The following RSPO2 variants were observed in gnomAD, a reference collection of about 807,000 sequenced individuals.
RSPO2 encodes R-spondin-2.
Under a neutral mutation model 30.9 loss-of-function variants are expected in RSPO2, and 14 were observed. That is an observed-to-expected ratio of 0.45 (90% CI 0.30 to 0.71). RSPO2 has a LOEUF of 0.71. Among genes scored for constraint, RSPO2 ranks in the 30% least tolerant of loss-of-function variants. The pLI is 0.08. For synonymous variants in RSPO2, 107 were observed against 96.4 expected, an observed-to-expected ratio of 1.11 and a Z score of -0.64; for missense variants, 264 against 301.9, an observed-to-expected ratio of 0.87 and a Z score of 0.93.
intron 2 of RSPO2, among the ~76,000 whole-genome samples, chr8:108,051,355 G>A (rs1409185642): frequency 6.6e-6 from 1 of 152,136 alleles, no homozygotes; most frequent in Non-Finnish European, 1.5e-5. Flanking sequence ...TTGGCATAGT[G>A]AAGGTTTGAG....
At position 108,081,578 on chromosome 8, in the gene RSPO2, A is replaced by G. The variant is rs1016713050; in HGVS notation, c.94+967T>C. Among the ~76,000 whole-genome samples the G allele has an allele frequency of 5.9e-5, 9 of 152,358 alleles. No homozygotes were observed. In the East Asian group the frequency reaches 1.7e-3, roughly 29 times the overall value. On this transcript the variant is annotated intron_variant, in intron 2 of 5. Transcript: ENST00000276659. ...GAGTGGTTTATGTTTAAATCCACCC[A>G]GAAAATTGAATCGTGTCTAGCCGCC...
intron 5 of RSPO2, among the ~76,000 whole-genome samples, chr8:107,923,127 T>C (rs1272214530): frequency 2.0e-5 from 3 of 151,876 alleles, no homozygotes; most frequent in Non-Finnish European, 4.4e-5. Flanking sequence ...AAACCATCAA[T>C]AGAGTAAAAT....
intron 5 of RSPO2, among the ~76,000 whole-genome samples, chr8:107,924,885 T>A (rs186634213): frequency 1.1e-4 from 16 of 151,804 alleles, no homozygotes. Context: ...GGTTTAAATA[T>A]GCATGCAAAA....
intron 2 of RSPO2, among the ~76,000 whole-genome samples, chr8:108,036,300 G>A (rs1483020953): frequency 6.6e-6 from 1 of 152,182 alleles, no homozygotes; most frequent in African/African-American, 2.4e-5. Context: ...TTCCGCCTGT[G>A]TGCTATAAAT....
In RSPO2 at chr8:108,082,579, G is replaced by A. The variant is rs1813242841; in HGVS notation, c.60C>T (p.His20=). The change falls in exon 2 of 6, where the codon CAC becomes CAT. Residue 20 remains histidine, a synonymous_variant. Coordinates refer to ENST00000276659, the MANE Select transcript of RSPO2 (RefSeq NM_178565.5). ...TGCGTCTCCATCGGTTGCCTTGGCA[G>A]TGGCTGTAATCCATGCAGTTCAGAA... ...LIILNCMDYS[H]CQGNRWRRSK... 1 of 1,614,170 alleles carries A rather than the reference G, an allele frequency of 6.2e-7. No homozygotes were observed. Among genetic ancestry groups the A allele is most frequent in the Non-Finnish European group, 8.5e-7 (1 of 1,179,998 alleles).
At chr8:107,931,165 C>G (rs1812543912) in intron 5 of RSPO2, among the ~76,000 whole-genome samples, 1 of 152,116 alleles carries the variant, frequency 6.6e-6, no homozygotes, top group South Asian at 2.1e-4. Flanking sequence ...ATTAATCTTG[C>G]ACTAAAAATT....
chr8:107,913,869 T>C (rs1403617256), intron 5 of RSPO2, among the ~76,000 whole-genome samples: 3 of 152,140 alleles, frequency 2.0e-5, no homozygotes, highest in African/African-American at 7.2e-5. Flanking sequence ...TACACACACA[T>C]ATAAATGCAA....
intron 2 of RSPO2, among the ~76,000 whole-genome samples, chr8:107,991,300 G>T (rs2130531133): frequency 6.7e-6 from 1 of 149,568 alleles, no homozygotes; most frequent in South Asian, 2.1e-4. Flanking sequence ...ACGCAATGGG[G>T]AAAAGATTCA....
Position 108,017,163 on chromosome 8 carries a change from C to T in RSPO2, c.95-27919G>A, listed in dbSNP as rs538596695. 1.2e-4 allele frequency among the ~76,000 whole-genome samples: 18 copies of T among 151,882 alleles called. No individual in the cohort carries two copies. In the East Asian group the frequency reaches 3.1e-3, roughly 26 times the overall value. On this transcript the variant is annotated intron_variant, in intron 2 of 5. Transcript: ENST00000276659. ...TCCCGAGTAGCTGGGACTACAGGCG[C>T]CCACCACCACACCCAGCTAATTTTT...
Position 108,082,782 on chromosome 8 carries a change from G to A in RSPO2, c.-144C>T. The A allele has an allele frequency of 4.9e-6, 3 of 613,190 alleles. No homozygotes were observed. The highest frequency in any genetic ancestry group is 8.6e-6 in the Non-Finnish European group (3 of 348,966). The allele number at this position is 613,190 out of a possible 1,614,324, so 38.0% of individuals were successfully genotyped here. A position where few individuals can be genotyped will look rare whatever the true frequency, so the allele number is the denominator to read the frequency against. On this transcript the variant is annotated 5_prime_UTR_variant, in exon 2 of 6. Coordinates refer to ENST00000276659, the MANE Select transcript of RSPO2 (RefSeq NM_178565.5). ...CCCGGGCCGCACCGGTCAGTTCAGCGCGATCAGCATCTCTCCGCCACGAAC... is the reference window on the plus strand; with the variant it reads ...CCCGGGCCGCACCGGTCAGTTCAGCACGATCAGCATCTCTCCGCCACGAAC...
intron 2 of RSPO2, among the ~76,000 whole-genome samples, chr8:108,065,468 G>A (rs751644784): frequency 2.0e-5 from 3 of 151,846 alleles, no homozygotes; most frequent in South Asian, 2.1e-4. Context: ...ATAGGCATTC[G>A]TGTGAATTAA....
intron 2 of RSPO2, among the ~76,000 whole-genome samples, chr8:108,077,052 A>G (rs1012295537): frequency 6.6e-6 from 1 of 152,204 alleles, no homozygotes; most frequent in Non-Finnish European, 1.5e-5. Context: ...ATGACTGGCC[A>G]TTAAGAAACC....
At chr8:108,081,403 T>TGGAGAAAAAGTCAACATTCATGAACCC (rs1813191077) in intron 2 of RSPO2, among the ~76,000 whole-genome samples, 1 of 152,196 alleles carries the variant, frequency 6.6e-6, no homozygotes, top group East Asian at 1.9e-4. Context: ...GTTTACATCT[T>TGGAGAAAAAGTCAACATTCATGAACCC]GGAGAAAAAG....
intron 2 of RSPO2, among the ~76,000 whole-genome samples, chr8:108,035,512 G>C (rs921070005): frequency 6.6e-6 from 1 of 151,796 alleles, no homozygotes; most frequent in Non-Finnish European, 1.5e-5. Context: ...GCTCTGTTGC[G>C]CAGGCTGGAG....
rs1586604661 is a variant in RSPO2, at chr8:107,987,909, C to T, written c.283+1147G>A. ...TCTCATAAATATGAGATTTAATTATCTCATATATATATGAGTGATTTAATG... is the reference window on the plus strand; with the variant it reads ...TCTCATAAATATGAGATTTAATTATTTCATATATATATGAGTGATTTAATG... On this transcript the variant is annotated intron_variant, in intron 3 of 5. Transcript: ENST00000276659. 7.2e-5 allele frequency among the ~76,000 whole-genome samples: 11 copies of T among 152,154 alleles called. No homozygotes were observed. In the South Asian group the frequency reaches 2.3e-3, roughly 32 times the overall value.
At chr8:107,912,313 T>C (rs1302424072) in intron 5 of RSPO2, among the ~76,000 whole-genome samples, 1 of 152,144 alleles carries the variant, frequency 6.6e-6, no homozygotes, top group Admixed American at 6.5e-5. Flanking sequence ...CGAAGTTAAC[T>C]GCATGCAATT....
intron 3 of RSPO2, among the ~76,000 whole-genome samples, chr8:107,972,143 AAC>A (rs1563544976): frequency 6.6e-6 from 1 of 151,198 alleles, no homozygotes; most frequent in Non-Finnish European, 1.5e-5. Context: ...GTTTAGAATA[AAC>A]ACAGTCTTTT....
chr8:107,924,162 T>C (rs1490370628), intron 5 of RSPO2, among the ~76,000 whole-genome samples: 1 of 151,206 alleles, frequency 6.6e-6, no homozygotes, highest in Non-Finnish European at 1.5e-5. Flanking sequence ...CTGAGGTTAC[T>C]ACAAACAAAC....
At chr8:107,952,698 G>T (rs1464843573) in intron 5 of RSPO2, among the ~76,000 whole-genome samples, 2 of 152,110 alleles carry the variant, frequency 1.3e-5, no homozygotes, top group Non-Finnish European at 2.9e-5. Flanking sequence ...CTTATTTCCT[G>T]CTCTGGGGTT....
Sources: allele counts gnomAD v4.1 joint callset (sites outside exome capture counted in the v4.1 genomes callset), GRCh38; gene constraint gnomAD v4.1.1; transcripts MANE v1.5; gene names NCBI Gene and HGNC (gene_info 2026-07-23, HGNC 2026-07-21).